Variants in WDR70 observed in about 807,000 individuals in gnomAD.
WDR70 encodes the protein WD repeat-containing protein 70.
A neutral mutation model predicts 88.6 loss-of-function variants in WDR70; 53 were observed. The ratio of observed to expected loss-of-function variants is 0.60; its 90% confidence interval spans 0.48 to 0.75. WDR70 has a LOEUF of 0.75. WDR70 is among the 30% of genes least tolerant of loss of function. The probability of loss-of-function intolerance (pLI) is 0.00; values close to 1 mark genes in which losing one functional copy is unlikely to be tolerated. For missense variants in WDR70, 610 were observed against 823.2 expected (o/e 0.74, Z 3.17); for synonymous variants, 280 against 270.0 (o/e 1.04, Z -0.36).
chr5:37,503,930 A>G (rs1160351422), intron 8 of WDR70, among the ~76,000 whole-genome samples: 1 of 152,042 alleles, frequency 6.6e-6, no homozygotes, highest in Non-Finnish European at 1.5e-5. Context: ...AGTAATCTCA[A>G]ATGATCTTTT....
intron 5 of WDR70, among the ~76,000 whole-genome samples, chr5:37,404,697 GT>G (rs200438669): frequency 1.2e-4 from 18 of 151,308 alleles, no homozygotes; most frequent in East Asian, 7.7e-4. Flanking sequence ...AGCTCTGACA[GT>G]TTTTTTTTAA....
Position 37,392,008 on chromosome 5 carries a change from G to T in WDR70, c.184G>T (p.Glu62Ter). Residue 62 changes from glutamate to a stop codon, truncating the protein, a stop_gained, in exon 4 of 18, where the codon GAA becomes TAA. Coordinates refer to ENST00000265107, the MANE Select transcript of WDR70 (RefSeq NM_018034.4). LOFTEE classifies it high-confidence loss of function. Reference sequence around the variant, plus strand: ...TTTTTTAATCTTTTCAGAAGCAAGAGAAAAAGAGGAAGAAATGAACAGAGA... The same window carrying T: ...TTTTTTAATCTTTTCAGAAGCAAGATAAAAAGAGGAAGAAATGAACAGAGA... ...ERSRKTLEAR[E>*]KEEEMNREKE... 6.3e-7 allele frequency: 1 copy of T among 1,596,372 alleles called. No individual in the cohort carries two copies. Among genetic ancestry groups the T allele is most frequent in the Non-Finnish European group, 8.5e-7 (1 of 1,175,600 alleles).
At chr5:37,477,953 A>G (rs1739538015) in intron 7 of WDR70, among the ~76,000 whole-genome samples, 1 of 152,190 alleles carries the variant, frequency 6.6e-6, no homozygotes. Context: ...AATTAATAAT[A>G]GCCTTGATTC....
intron 9 of WDR70, among the ~76,000 whole-genome samples, chr5:37,545,365 A>G (rs1741954267): frequency 6.6e-6 from 1 of 152,194 alleles, no homozygotes; most frequent in Non-Finnish European, 1.5e-5. Context: ...ATAGAAATGG[A>G]AAATATACTG....
rs894694804 is a variant in WDR70 at position 37,723,075 on chromosome 5, G to A, written c.1597+141G>A. 10 of 905,298 alleles carry A rather than the reference G, an allele frequency of 1.1e-5. No individual in the cohort carries two copies. In the African/African-American group the frequency reaches 1.2e-4, roughly 10 times the overall value. The allele number at this position is 905,298 out of a possible 1,614,324, so 56.1% of individuals were successfully genotyped here. On this transcript the variant is annotated intron_variant, in intron 15 of 17. Coordinates refer to ENST00000265107, the MANE Select transcript of WDR70 (RefSeq NM_018034.4). ...TGCCCATTCATGTGGATAGGACTAC[G>A]AGTCATGTAACAGCTAACCTCTGTG...
At chr5:37,404,420 A>G (rs1211544822) in intron 5 of WDR70, among the ~76,000 whole-genome samples, 1 of 152,204 alleles carries the variant, frequency 6.6e-6, no homozygotes, top group Non-Finnish European at 1.5e-5. Flanking sequence ...GGTTTCATAT[A>G]CCCTTTCATA....
At chr5:37,590,210 C>T (rs1055647046) in intron 9 of WDR70, among the ~76,000 whole-genome samples, 1 of 152,180 alleles carries the variant, frequency 6.6e-6, no homozygotes, top group Admixed American at 6.5e-5. Context: ...TATTTACAGA[C>T]TTGTACAACC....
chr5:37,605,226 C>A lies in WDR70; in HGVS notation c.1080C>A (p.Asp360Glu). The change falls in exon 10 of 18, where the codon GAC becomes GAA. Residue 360 changes from aspartate to glutamate, a missense_variant. Transcript: ENST00000265107. ...ACQNGSIQIW[D>E]RNLTVHPKFH... is the part of the protein sequence containing the mutation. ...AGAATGGAAGCATACAGATCTGGGA[C>A]CGAAATTTGACTGTAAGTTAAATCT... is the stretch of plus-strand genomic sequence containing the variant. 1 of 1,592,700 alleles carries A rather than the reference C, an allele frequency of 6.3e-7. No homozygotes were observed. Among genetic ancestry groups the A allele is most frequent in the South Asian group, 1.2e-5 (1 of 86,026 alleles).
At chr5:37,532,008 C>A (rs1013748436) in intron 9 of WDR70, among the ~76,000 whole-genome samples, 1 of 152,114 alleles carries the variant, frequency 6.6e-6, no homozygotes, top group Non-Finnish European at 1.5e-5. Context: ...ACCTTTCCTT[C>A]ATTTATGAAG....
At chr5:37,662,593 A>C (rs374460736) in intron 10 of WDR70, among the ~76,000 whole-genome samples, 1 of 152,110 alleles carries the variant, frequency 6.6e-6, no homozygotes, top group Admixed American at 6.6e-5. Flanking sequence ...TCTTTCCTCC[A>C]TCAGCCTGTT....
chr5:37,676,836 A>T (rs1373135467), intron 10 of WDR70, among the ~76,000 whole-genome samples: 1 of 152,234 alleles, frequency 6.6e-6, no homozygotes, highest in East Asian at 1.9e-4. Context: ...TACCTCTGGT[A>T]GAATTTGGCT....
intron 12 of WDR70, 140 bp from the exon 13 acceptor site, chr5:37,702,809 A>G: frequency 1.3e-6 from 1 of 792,168 alleles, no homozygotes; most frequent in Non-Finnish European, 1.9e-6. Context: ...TGTGACGATT[A>G]AACAAATTAA....
chr5:37,444,813 T>A (rs974674286), intron 7 of WDR70, among the ~76,000 whole-genome samples: 1 of 152,188 alleles, frequency 6.6e-6, no homozygotes, highest in Non-Finnish European at 1.5e-5. Flanking sequence ...GGTGGTGGGA[T>A]GGTTTCTGGA....
chr5:37,512,510 C>T (rs140661315), intron 8 of WDR70, among the ~76,000 whole-genome samples: 41 of 152,120 alleles, frequency 2.7e-4, no homozygotes, highest in South Asian at 2.1e-3. Context: ...TGAGCCACCA[C>T]GCCCAGCCCT....
chr5:37,662,173 G>A (rs1745717328), intron 10 of WDR70, among the ~76,000 whole-genome samples: 1 of 152,118 alleles, frequency 6.6e-6, no homozygotes, highest in Non-Finnish European at 1.5e-5. Flanking sequence ...GTTTCATTAG[G>A]AACAAAGTGC....
intron 10 of WDR70, among the ~76,000 whole-genome samples, chr5:37,612,966 T>C (rs1744228038): frequency 6.6e-6 from 1 of 152,230 alleles, no homozygotes; most frequent in Admixed American, 6.5e-5. Context: ...CCATCATAAC[T>C]GCAAATTACT....
intron 9 of WDR70, among the ~76,000 whole-genome samples, chr5:37,556,647 T>G (rs973332089): frequency 1.3e-5 from 2 of 152,242 alleles, no homozygotes; most frequent in African/African-American, 4.8e-5. Context: ...TATGCAGCTG[T>G]TAACATTCCT....
chr5:37,550,566 T>G (rs912369839), intron 9 of WDR70, among the ~76,000 whole-genome samples: 1 of 152,218 alleles, frequency 6.6e-6, no homozygotes, highest in African/African-American at 2.4e-5. Flanking sequence ...CTCCTGCTCT[T>G]TTTTGGTTTC....
At chr5:37,666,273 C>A (rs1382540465) in intron 10 of WDR70, among the ~76,000 whole-genome samples, 1 of 152,156 alleles carries the variant, frequency 6.6e-6, no homozygotes, top group East Asian at 1.9e-4. Context: ...ATCCCCAACT[C>A]CTGTTACCCC....
Sources: gnomAD v4.1 joint callset for allele counts (sites outside exome capture counted in the v4.1 genomes callset) on GRCh38, gnomAD v4.1.1 for gene constraint, MANE v1.5 for transcripts, NCBI Gene and HGNC (gene_info 2026-07-23, HGNC 2026-07-21) for gene names.